Variants in CDHR2 observed in about 807,000 individuals in gnomAD.
CDHR2 encodes cadherin related family member 2.
In CDHR2, 104 loss-of-function variants were observed where a neutral mutation model predicts 138.6. That is an observed-to-expected ratio of 0.75 (90% confidence interval 0.64 to 0.88). The LOEUF is 0.88. CDHR2 is among the 40% of genes least tolerant of loss of function. The pLI, the probability that CDHR2 is intolerant of heterozygous loss-of-function variation, is 0.00. For missense variants in CDHR2, 1,624 were observed against 1,727.6 expected (o/e 0.94, Z 1.06); for synonymous variants, 755 against 742.8 (o/e 1.02, Z -0.27).
rs1302971286 is a variant in CDHR2 at position 176,571,447 on chromosome 5, G to A, written c.405+145G>A. 9.7e-6 allele frequency: 5 copies of A among 517,386 alleles called. No individual in the cohort carries two copies. In the Admixed American group the frequency reaches 1.9e-4, roughly 20 times the overall value. 32.0% of individuals were successfully genotyped at this position (517,386 alleles called of 1,614,324 possible). ...GGCAGCTTCAAGAACCAAAGCCAGG[G>A]GGATGTAACCCCACAAACTGGTTAC... is the stretch of plus-strand genomic sequence containing the variant. On this transcript the variant is annotated intron_variant, in intron 6 of 31. Transcript: ENST00000261944.
intron 17 of CDHR2, 69 bp downstream of exon 17, chr5:176,581,651 G>C: frequency 6.3e-7 from 1 of 1,582,292 alleles, no homozygotes. Context: ...TCCAGCTTGA[G>C]TCACACTTCT....
chr5:176,574,576 A>T (rs1231500972), intron 7 of CDHR2, among the ~76,000 whole-genome samples: 1 of 152,182 alleles, frequency 6.6e-6, no homozygotes, highest in East Asian at 1.9e-4. Context: ...CCCTGAGGAC[A>T]CCAAAATCCA....
In CDHR2 at chr5:176,595,719, C is replaced by G. The variant is rs770154431; in HGVS notation, c.*47C>G. 1.4e-6 allele frequency: 2 copies of G among 1,442,086 alleles called. No homozygotes were observed. Among genetic ancestry groups the G allele is most frequent in the East Asian group, 2.6e-5 (1 of 38,772 alleles). 89.3% of individuals were successfully genotyped at this position (1,442,086 alleles called of 1,614,324 possible). A position where few individuals can be genotyped will look rare whatever the true frequency, so the allele number is the denominator to read the frequency against. On this transcript the variant is annotated 3_prime_UTR_variant, in exon 32 of 32. Transcript: ENST00000261944. ...ACCCCTTGAAGAGGCCCTACCACAC[C>G]CTAACTGCACCTGTCTCCCTGGAGA...
intron 31 of CDHR2, among the ~76,000 whole-genome samples, chr5:176,593,401 G>A (rs552284021): frequency 3.3e-4 from 51 of 152,328 alleles, no homozygotes; most frequent in Non-Finnish European, 6.3e-4. Context: ...GATGGCCCAC[G>A]TGGAGCCTGG....
chr5:176,575,866 C>A, intron 11 of CDHR2, 27 bp downstream of exon 11: 2 of 1,543,530 alleles, frequency 1.3e-6, no homozygotes, highest in Admixed American at 2.0e-5. Context: ...CCACCCCTGT[C>A]AGAACCCTGC....
At chr5:176,550,886 C>T (rs2113248436) in intron 1 of CDHR2, among the ~76,000 whole-genome samples, 1 of 152,256 alleles carries the variant, frequency 6.6e-6, no homozygotes, top group East Asian at 1.9e-4. Flanking sequence ...TCCTCTCAGC[C>T]AAGGCTGAAG....
At chr5:176,574,233 C>G (rs34961087) in intron 7 of CDHR2, 61 bp downstream of exon 7, 295,619 of 1,254,618 alleles carry the variant, frequency 0.24, 38,813 homozygotes, top group East Asian at 0.5. Flanking sequence ...TCTCCACAGA[C>G]AACCCACAGG....
Position 176,574,101 on chromosome 5 carries a change from G to A in CDHR2, c.424G>A (p.Val142Met), listed in dbSNP as rs766304102. 2 of 1,613,908 alleles carry A rather than the reference G, an allele frequency of 1.2e-6. No homozygotes were observed. The highest frequency in any genetic ancestry group is 2.7e-5 in the African/African-American group (2 of 74,922). Residue 142 changes from valine to methionine, a missense_variant, in exon 7 of 32, where the codon GTG (valine) becomes ATG (methionine). Around this residue, in one of 3 missense-constraint regions of CDHR2, gnomAD observed 1,061 missense variants for 1,136.6 expected, o/e 0.93. Transcript: ENST00000261944. The stretch of plus-strand genomic sequence containing the variant: ...CCTGCAGACCCTGCCCGTGGGCAGT[G>A]TGGTGTTCTCCGTGCTGGCCGTGGA... ...SINETLPVGS[V>M]VFSVLAVDKD...
intron 17 of CDHR2, 26 bp downstream of exon 17, chr5:176,581,608 GC>G (rs1561877431): frequency 1.2e-6 from 2 of 1,600,244 alleles, no homozygotes; most frequent in South Asian, 2.2e-5. Flanking sequence ...GCCAGGATGG[GC>G]CTGGGGGCCT....
chr5:176,586,101 T>C (rs940374237), intron 20 of CDHR2, 76 bp downstream of exon 20: 14 of 1,194,230 alleles, frequency 1.2e-5, no homozygotes, highest in Admixed American at 3.5e-5. Context: ...CAGACCCTCC[T>C]TGGACCCCAG....
chr5:176,566,035 C>T (rs1195751279), intron 3 of CDHR2, among the ~76,000 whole-genome samples: 1 of 152,060 alleles, frequency 6.6e-6, no homozygotes, highest in Non-Finnish European at 1.5e-5. Flanking sequence ...GGAGGATCCC[C>T]TTGGGCCACG....
chr5:176,585,800 G>GGGGCACA (rs1561879466), intron 19 of CDHR2, among the ~76,000 whole-genome samples, 154 bp from the exon 20 acceptor site: 2 of 151,252 alleles, frequency 1.3e-5, no homozygotes, highest in African/African-American at 4.9e-5. Context: ...TGCGGGGCAC[G>GGGGCACA]GGGTTGAGGC....
At chr5:176,573,465 C>A (rs1238235055) in intron 6 of CDHR2, among the ~76,000 whole-genome samples, 1 of 150,508 alleles carries the variant, frequency 6.6e-6, no homozygotes, top group Non-Finnish European at 1.5e-5. Flanking sequence ...CACGGTGAAA[C>A]CCTGTCTCTA....
rs67181310 is a variant in CDHR2 at position 176,569,959 on chromosome 5, C to CA, written c.315+962dup. Among the ~76,000 whole-genome samples the CA allele has an allele frequency of 1.1e-3, 154 of 141,498 alleles. 1 individual carries two copies. The highest frequency in any genetic ancestry group is 3.6e-3 in the Middle Eastern group (1 of 274). The allele number at this position is 141,498 out of a possible 152,430, so 92.8% of individuals were successfully genotyped here. A position where few individuals can be genotyped will look rare whatever the true frequency, so the allele number is the denominator to read the frequency against. On this transcript the variant is annotated intron_variant, in intron 5 of 31. Coordinates refer to ENST00000261944, the MANE Select transcript of CDHR2 (RefSeq NM_017675.6). ...TGAGTGATAGCACGAGACTCCGTCTCAAAAAAAAAAAAATTACAGATAAAA... is the reference window on the plus strand; with the variant it reads ...TGAGTGATAGCACGAGACTCCGTCTCAAAAAAAAAAAAAATTACAGATAAAA...
chr5:176,559,886 G>T (rs1180346127), intron 1 of CDHR2, among the ~76,000 whole-genome samples: 1 of 152,140 alleles, frequency 6.6e-6, no homozygotes. Context: ...AGTGGGTAGA[G>T]GACAGAGGTG....
At chr5:176,585,860 C>A (rs1036089412) in intron 19 of CDHR2, 94 bp from the exon 20 acceptor site, 8 of 958,738 alleles carry the variant, frequency 8.3e-6, no homozygotes, top group African/African-American at 8.0e-5. Context: ...GGCTGCGGGG[C>A]ATGGGGTTGA....
In CDHR2 at chr5:176,592,132, GTGGTGATGA is replaced by G. The variant is rs1173579310; in HGVS notation, c.3735-579_3735-571del. 1.2e-4 allele frequency among the ~76,000 whole-genome samples: 16 copies of G among 136,204 alleles called. 1 individual carries two copies. Among genetic ancestry groups the G allele is most frequent in the Non-Finnish European group, 1.5e-4 (9 of 61,818 alleles). The allele number at this position is 136,204 out of a possible 152,430, so 89.4% of individuals were successfully genotyped here. On this transcript the variant is annotated intron_variant, in intron 30 of 31. Transcript: ENST00000261944. ...GATGGTGATGGTAGTGATGGTGATG[GTGGTGATGA>G]TGGTGATGATGACAATGATGATGGT...
At chr5:176,588,241 G>A (rs1268302427) in intron 21 of CDHR2, among the ~76,000 whole-genome samples, 1 of 151,682 alleles carries the variant, frequency 6.6e-6, no homozygotes, top group Non-Finnish European at 1.5e-5. Context: ...TGTGCCTGAG[G>A]GTGTGTATAA....
intron 5 of CDHR2, among the ~76,000 whole-genome samples, chr5:176,570,416 G>A (rs902770339): frequency 6.6e-6 from 1 of 152,206 alleles, no homozygotes; most frequent in African/African-American, 2.4e-5. Context: ...TGCAATCACA[G>A]CTCACATCAG....
Sources: allele counts gnomAD v4.1 joint callset (sites outside exome capture counted in the v4.1 genomes callset), GRCh38; gene constraint gnomAD v4.1.1; regional missense constraint gnomAD v4.1.1; transcripts MANE v1.5; gene names NCBI Gene and HGNC (gene_info 2026-07-23, HGNC 2026-07-21).